Variants in CPED1 observed in about 807,000 individuals in gnomAD.
The protein encoded by CPED1 is cadherin like and PC-esterase domain containing 1, also known as cadherin-like and PC-esterase domain-containing protein 1.
A neutral mutation model predicts 128.2 loss-of-function variants in CPED1; 114 were observed. The ratio of observed to expected loss-of-function variants is 0.89; its 90% CI spans 0.76 to 1.04. The LOEUF (loss-of-function observed/expected upper bound fraction) is 1.04, where lower values mean the gene tolerates loss of function less well. Among genes scored for constraint, CPED1 ranks in the 50% least tolerant of loss-of-function variants. CPED1 has a pLI of 0.00. For missense variants in CPED1, 1,211 were observed against 1,207.1 expected, an observed-to-expected ratio of 1.00 and a Z score of -0.05; for synonymous variants, 462 against 426.7, an observed-to-expected ratio of 1.08 and a Z score of -1.02.
chr7:121,049,280 T>TAGCTCTTAC (rs1793288967), intron 4 of CPED1, among the ~76,000 whole-genome samples: 1 of 152,148 alleles, frequency 6.6e-6, no homozygotes, highest in Admixed American at 6.5e-5. Flanking sequence ...GTAAGAGGGA[T>TAGCTCTTAC]GTGTAGAAGG....
chr7:121,169,257 A>G (rs1233346353), intron 16 of CPED1, among the ~76,000 whole-genome samples: 1 of 119,794 alleles, frequency 8.3e-6, no homozygotes, highest in Non-Finnish European at 1.8e-5. Flanking sequence ...TTACATTCAT[A>G]AGACAGTATT....
At chr7:121,010,214 C>T (rs1424630021) in intron 2 of CPED1, among the ~76,000 whole-genome samples, 4 of 151,924 alleles carry the variant, frequency 2.6e-5, no homozygotes, top group Non-Finnish European at 5.9e-5. Context: ...TAAGTGGGTG[C>T]TATTTCATCA....
intron 13 of CPED1, among the ~76,000 whole-genome samples, chr7:121,134,355 C>G (rs750894190): frequency 3.9e-5 from 6 of 152,036 alleles, no homozygotes; most frequent in African/African-American, 7.2e-5. Context: ...CATAATCTCA[C>G]TCATGTGGGA....
At chr7:121,130,041 A>C (rs1394393201) in intron 11 of CPED1, 84 bp from the exon 12 acceptor site, 12 of 1,097,320 alleles carry the variant, frequency 1.1e-5, no homozygotes, top group Non-Finnish European at 1.6e-5. Flanking sequence ...CTTTTTAAAT[A>C]AATGACTAAG....
chr7:120,999,083 T>C (rs1791756154), intron 2 of CPED1, among the ~76,000 whole-genome samples: 1 of 152,184 alleles, frequency 6.6e-6, no homozygotes, highest in Non-Finnish European at 1.5e-5. Flanking sequence ...AGTCGATGAA[T>C]GAATAAATAA....
chr7:121,001,509 G>A (rs959171405), intron 2 of CPED1, among the ~76,000 whole-genome samples: 2 of 151,994 alleles, frequency 1.3e-5, no homozygotes, highest in Admixed American at 1.3e-4. Context: ...GTGTAACTAT[G>A]GGAAGAAAAT....
chr7:121,190,560 A>G (rs945467354), intron 16 of CPED1, among the ~76,000 whole-genome samples: 2 of 152,132 alleles, frequency 1.3e-5, no homozygotes, highest in Admixed American at 1.3e-4. Context: ...TGTGTGTTCC[A>G]GACATTAAAC....
intron 16 of CPED1, among the ~76,000 whole-genome samples, chr7:121,190,640 A>G (rs1014969962): frequency 6.6e-6 from 1 of 152,078 alleles, no homozygotes; most frequent in Non-Finnish European, 1.5e-5. Flanking sequence ...TAGAGAGGCA[A>G]TGTTTTCCTA....
intron 21 of CPED1, among the ~76,000 whole-genome samples, chr7:121,267,935 C>T (rs965553492): frequency 6.6e-6 from 1 of 152,016 alleles, no homozygotes; most frequent in Non-Finnish European, 1.5e-5. Flanking sequence ...GTGCTACTAC[C>T]TTTCCCCAGC....
At position 121,125,912 on chromosome 7, in the gene CPED1, C is replaced by T; in HGVS notation, c.1134+20C>T. On this transcript the variant is annotated intron_variant, in intron 9 of 22. Transcript: ENST00000310396. ...CTCCAGGTCAGTATGCCAAAGGCCT[C>T]ATGTGAGCTTCTACCTTGTGGTGAG... is the stretch of plus-strand genomic sequence containing the variant. 1 of 1,512,916 alleles carries T rather than the reference C, an allele frequency of 6.6e-7. No homozygotes were observed. The highest frequency in any genetic ancestry group is 9.2e-7 in the Non-Finnish European group (1 of 1,087,952). 93.7% of individuals were successfully genotyped at this position (1,512,916 alleles called of 1,614,324 possible).
intron 22 of CPED1, among the ~76,000 whole-genome samples, chr7:121,278,160 G>A (rs1177066229): frequency 2.6e-5 from 4 of 152,090 alleles, no homozygotes; most frequent in Non-Finnish European, 5.9e-5. Context: ...ATAAAAATAA[G>A]AAAAGGGTAA....
At chr7:121,112,101 G>A (rs1466299767) in intron 7 of CPED1, among the ~76,000 whole-genome samples, 1 of 152,132 alleles carries the variant, frequency 6.6e-6, no homozygotes, top group Admixed American at 6.5e-5. Context: ...CCGCTACACA[G>A]TGGCAGTTTC....
At chr7:121,033,260 G>T (rs1792783972) in intron 3 of CPED1, among the ~76,000 whole-genome samples, 1 of 152,148 alleles carries the variant, frequency 6.6e-6, no homozygotes, top group Non-Finnish European at 1.5e-5. Context: ...GAGGGTGTGG[G>T]TCAGGGTTAG....
chr7:121,262,185 C>G lies in CPED1; in HGVS notation c.2311-4042C>G, dbSNP rs560832473. On this transcript the variant is annotated intron_variant, in intron 18 of 22. Transcript: ENST00000310396. ...GTGCCTCCTCCCTCTTCACCTTCCTCCATGAGTAAAGGCTTCCTGAGACCT... is the reference window on the plus strand; with the variant it reads ...GTGCCTCCTCCCTCTTCACCTTCCTGCATGAGTAAAGGCTTCCTGAGACCT... Among the ~76,000 whole-genome samples the G allele has an allele frequency of 2.2e-3, 341 of 152,150 alleles. 1 individual carries two copies. The highest frequency in any genetic ancestry group is 3.6e-3 in the Non-Finnish European group (248 of 67,964).
At chr7:121,291,410 T>C (rs1792699791) in intron 22 of CPED1, among the ~76,000 whole-genome samples, 1 of 152,248 alleles carries the variant, frequency 6.6e-6, no homozygotes, top group Non-Finnish European at 1.5e-5. Flanking sequence ...ATTTTCACAA[T>C]ATTGATTCTT....
intron 16 of CPED1, among the ~76,000 whole-genome samples, chr7:121,204,373 T>C (rs1311892207): frequency 6.6e-6 from 1 of 152,036 alleles, no homozygotes; most frequent in East Asian, 1.9e-4. Flanking sequence ...ATAAAAAATA[T>C]TGGAAAGGCC....
intron 3 of CPED1, among the ~76,000 whole-genome samples, chr7:121,019,533 C>A (rs765023547): frequency 6.6e-6 from 1 of 151,980 alleles, no homozygotes; most frequent in Non-Finnish European, 1.5e-5. Flanking sequence ...ATTATTGGTT[C>A]AAAGAGTAAC....
At chr7:121,085,685 C>T (rs1443186219) in intron 5 of CPED1, among the ~76,000 whole-genome samples, 1 of 152,206 alleles carries the variant, frequency 6.6e-6, no homozygotes, top group Non-Finnish European at 1.5e-5. Flanking sequence ...CAAGGCCAGA[C>T]ACAGTGGACT....
At chr7:121,195,557 C>T (rs1797252942) in intron 16 of CPED1, among the ~76,000 whole-genome samples, 1 of 152,036 alleles carries the variant, frequency 6.6e-6, no homozygotes, top group African/African-American at 2.4e-5. Context: ...TGCTCTGGAA[C>T]CAAATGTAGA....
Sources: gnomAD v4.1 joint callset for allele counts (sites outside exome capture counted in the v4.1 genomes callset) on GRCh38, gnomAD v4.1.1 for gene constraint, MANE v1.5 for transcripts, NCBI Gene and HGNC (gene_info 2026-07-23, HGNC 2026-07-21) for gene names.